The following FASTKD2 variants were observed in gnomAD, a reference collection of about 807,000 sequenced individuals.
FASTKD2 encodes FAST kinase domains 2.
A neutral mutation model predicts 63.6 loss-of-function variants in FASTKD2; 51 were observed. That is an observed-to-expected ratio of 0.80 (90% CI 0.64 to 1.01). The LOEUF (loss-of-function observed/expected upper bound fraction) is 1.01. Among genes scored for constraint, FASTKD2 ranks in the 50% least tolerant of loss-of-function variants. FASTKD2 has a pLI of 0.00. For missense variants in FASTKD2, 786 were observed against 831.1 expected (o/e 0.95, Z 0.67); for synonymous variants, 284 against 293.4 (o/e 0.97, Z 0.33).
intron 7 of FASTKD2, among the ~76,000 whole-genome samples, chr2:206,784,518 A>G (rs1304993514): frequency 6.6e-6 from 1 of 152,206 alleles, no homozygotes; most frequent in Non-Finnish European, 1.5e-5. Context: ...GAACCCAAGG[A>G]ACAAATATGT....
Position 206,791,785 on chromosome 2 carries a change from G to T in FASTKD2, c.2116G>T (p.Val706Leu). 6.2e-7 allele frequency: 1 copy of T among 1,612,994 alleles called. No individual in the cohort carries two copies. Among genetic ancestry groups the T allele is most frequent in the Non-Finnish European group, 8.5e-7 (1 of 1,179,622 alleles). Reference protein sequence around the residue: ...VEALPVAAVNVQSTQ With the variant: ...VEALPVAAVNLQSTQ ...AGCTCTTCCTGTTGCTGCTGTAAATGTGCAAAGCACACAATAAAGTGAAAA... is the reference window on the plus strand; with the variant it reads ...AGCTCTTCCTGTTGCTGCTGTAAATTTGCAAAGCACACAATAAAGTGAAAA... The change falls in exon 12 of 12, where the codon GTG (valine) becomes TTG (leucine). Residue 706 changes from valine (V) to leucine (L), a missense_variant. Transcript: ENST00000402774.
rs759342298 is a variant in FASTKD2, at chr2:206,767,140, A to G, written c.447A>G (p.Thr149=). ...ATGAAGATGTTCTTACCAAGGAAAC[A>G]AAACCAAACCGTATCAGCAGTAGAA... The part of the protein sequence containing the change: ...VSNEDVLTKE[T]KPNRISSRKL... Residue 149 remains threonine (T), a synonymous_variant, in exon 2 of 12, where the codon ACA becomes ACG. Coordinates refer to ENST00000402774, the MANE Select transcript of FASTKD2 (RefSeq NM_001136193.2). The G allele has an allele frequency of 3.7e-6, 6 of 1,614,220 alleles. No individual in the cohort carries two copies. The highest frequency in any genetic ancestry group is 3.4e-6 in the Non-Finnish European group (4 of 1,180,022).
rs756924071 is a variant in FASTKD2 at position 206,767,486 on chromosome 2, G to T, written c.777+16G>T. On this transcript the variant is annotated intron_variant, in intron 2 of 11. Transcript: ENST00000402774. ...GGTGACCCAGGTAAAATAAAAAGGA[G>T]ATTTAAACATGCATTTACTTGATTT... The T allele has an allele frequency of 6.3e-7, 1 of 1,593,514 alleles. No individual in the cohort carries two copies. The highest frequency in any genetic ancestry group is 8.5e-7 in the Non-Finnish European group (1 of 1,169,714).
In FASTKD2 at chr2:206,792,379, G is replaced by A. The variant is rs141191242; in HGVS notation, c.*577G>A. 3 of 155,460 alleles carry A rather than the reference G, an allele frequency of 1.9e-5. No individual in the cohort carries two copies. Among genetic ancestry groups the A allele is most frequent in the East Asian group, 1.9e-4 (1 of 5,288 alleles). The allele number at this position is 155,460 out of a possible 1,614,324, so 9.6% of individuals were successfully genotyped here. ...GGGTTATAATAAGAGAAACACAGAT[G>A]AGATGTAGATGGTAAGGAGTCTTAC... On this transcript the variant is annotated 3_prime_UTR_variant, in exon 12 of 12. Coordinates refer to ENST00000402774, the MANE Select transcript of FASTKD2 (RefSeq NM_001136193.2).
chr2:206,793,060 A>G lies in FASTKD2; in HGVS notation c.*1258A>G, dbSNP rs1005221542. Among the ~76,000 whole-genome samples the G allele has an allele frequency of 5.3e-5, 8 of 151,592 alleles. No homozygotes were observed. The highest frequency in any genetic ancestry group is 9.7e-5 in the African/African-American group (4 of 41,094). ...AACACGGTGAAACCCCATCTCTACT[A>G]AAATACAAAAAATTAGCCGGGCATG... is the stretch of plus-strand genomic sequence containing the variant. On this transcript the variant is annotated 3_prime_UTR_variant, in exon 12 of 12. Transcript: ENST00000402774.
At chr2:206,775,446 G>A (rs118174005) in intron 7 of FASTKD2, among the ~76,000 whole-genome samples, 1 of 151,970 alleles carries the variant, frequency 6.6e-6, no homozygotes, top group East Asian at 1.9e-4. Context: ...GCATCCCAGG[G>A]ATAAATCCTG....
Position 206,772,230 on chromosome 2 carries a change from C to T in FASTKD2, c.1164C>T (p.Ser388=). The change falls in exon 6 of 12, where the codon TCC becomes TCT. Residue 388 remains serine, a synonymous_variant. Transcript: ENST00000402774. ...GAATAATGATCAACATATTGCAGTC[C>T]TGCAAAGACCTCCAGTACCATAATT... ...PLRIMINILQ[S]CKDLQYHNLD... is the part of the protein sequence containing the mutation. 1 of 1,613,262 alleles carries T rather than the reference C, an allele frequency of 6.2e-7. No individual in the cohort carries two copies. The highest frequency in any genetic ancestry group is 8.5e-7 in the Non-Finnish European group (1 of 1,179,222).
Position 206,767,426 on chromosome 2 carries a change from C to T in FASTKD2, c.733C>T (p.Pro245Ser). Reference sequence around the variant, plus strand: ...TCACGCCATAGTGAAGCTTGGAATCCCTCAGAACACTATTTTGGTGCAGAC... The same window carrying T: ...TCACGCCATAGTGAAGCTTGGAATCTCTCAGAACACTATTTTGGTGCAGAC... The part of the protein sequence containing the change: ...SLHAIVKLGI[P>S]QNTILVQTLL... Residue 245 changes from proline (P) to serine (S), a missense_variant, in exon 2 of 12, where the codon CCT becomes TCT. Physicochemically the swap from Pro to Ser is moderately conservative, Grantham distance 74. Coordinates refer to ENST00000402774, the MANE Select transcript of FASTKD2 (RefSeq NM_001136193.2). 1 of 1,612,948 alleles carries T rather than the reference C, an allele frequency of 6.2e-7. No individual in the cohort carries two copies. The highest frequency in any genetic ancestry group is 1.6e-4 in the Middle Eastern group (1 of 6,062).
intron 7 of FASTKD2, among the ~76,000 whole-genome samples, chr2:206,775,408 A>T (rs551867157): frequency 6.6e-6 from 1 of 151,430 alleles, no homozygotes; most frequent in South Asian, 2.1e-4. Flanking sequence ...TATCATATTG[A>T]TTGATTTGCA....
At position 206,792,294 on chromosome 2, in the gene FASTKD2, G is replaced by C. The variant is rs1279255801; in HGVS notation, c.*492G>C. On this transcript the variant is annotated 3_prime_UTR_variant, in exon 12 of 12. Transcript: ENST00000402774. ...TGTAAGAATTAGTGAGGTAGCTGTTGAAAATGAGTGAGGATGGTATTTGTA... is the reference window on the plus strand; with the variant it reads ...TGTAAGAATTAGTGAGGTAGCTGTTCAAAATGAGTGAGGATGGTATTTGTA... 5.8e-6 allele frequency: 1 copy of C among 173,772 alleles called. No homozygotes were observed. The highest frequency in any genetic ancestry group is 1.2e-5 in the Non-Finnish European group (1 of 80,730). 10.8% of individuals were successfully genotyped at this position (173,772 alleles called of 1,614,324 possible). A position where few individuals can be genotyped will look rare whatever the true frequency, so the allele number is the denominator to read the frequency against.
At position 206,766,628 on chromosome 2, in the gene FASTKD2, A is replaced by G; in HGVS notation, c.-50-16A>G. ...TGTTTTAATTTTTATTCTTTTCATT[A>G]CTTCTTCCCCTACAGGAAAACGACA... is the stretch of plus-strand genomic sequence containing the variant. On this transcript the variant is annotated splice_polypyrimidine_tract_variant and intron_variant, in intron 1 of 11. Transcript: ENST00000402774. 1 of 1,306,256 alleles carries G rather than the reference A, an allele frequency of 7.7e-7. No individual in the cohort carries two copies. The highest frequency in any genetic ancestry group is 1.1e-6 in the Non-Finnish European group (1 of 903,150). The allele number at this position is 1,306,256 out of a possible 1,614,324, so 80.9% of individuals were successfully genotyped here. A position where few individuals can be genotyped will look rare whatever the true frequency, so the allele number is the denominator to read the frequency against.
Position 206,795,768 on chromosome 2 carries a change from A to G in FASTKD2, c.*3966A>G, listed in dbSNP as rs1233340136. 6.6e-6 allele frequency among the ~76,000 whole-genome samples: 1 copy of G among 152,196 alleles called. No individual in the cohort carries two copies. Among genetic ancestry groups the G allele is most frequent in the Non-Finnish European group, 1.5e-5 (1 of 68,038 alleles). On this transcript the variant is annotated 3_prime_UTR_variant, in exon 12 of 12. Coordinates refer to ENST00000402774, the MANE Select transcript of FASTKD2 (RefSeq NM_001136193.2). ...CAGCCACAGAGCATTTTATTTTTCT[A>G]GAAGAGCAATAACAGAGACCCCAGG... is the stretch of plus-strand genomic sequence containing the variant.
intron 10 of FASTKD2, chr2:206,789,110 C>G (rs920372052): frequency 1.8e-6 from 1 of 549,348 alleles, no homozygotes; most frequent in Non-Finnish European, 3.2e-6. Context: ...CAGTATTGGT[C>G]ATTTAATGAG....
At chr2:206,790,489 G>A in intron 10 of FASTKD2, 83 bp from the exon 11 acceptor site, 1 of 871,356 alleles carries the variant, frequency 1.1e-6, no homozygotes. Flanking sequence ...AGCTCAACTT[G>A]GAAATCTCCA....
chr2:206,770,237 C>T (rs79466142), intron 3 of FASTKD2, 43 bp downstream of exon 3: 1 of 1,212,446 alleles, frequency 8.2e-7, no homozygotes, highest in Non-Finnish European at 1.2e-6. Flanking sequence ...TTTCTTTGTT[C>T]CTCATATATC....
intron 7 of FASTKD2, among the ~76,000 whole-genome samples, chr2:206,778,099 C>G (rs1689871975): frequency 6.6e-6 from 1 of 151,694 alleles, no homozygotes; most frequent in African/African-American, 2.4e-5. Flanking sequence ...TTTCATAAAC[C>G]CAAGTCTTCG....
At chr2:206,777,595 G>C (rs1333227180) in intron 7 of FASTKD2, among the ~76,000 whole-genome samples, 1 of 152,050 alleles carries the variant, frequency 6.6e-6, no homozygotes, top group East Asian at 1.9e-4. Context: ...TGTTCATCAG[G>C]GATATTGGCC....
At chr2:206,789,085 G>C (rs1027302636) in intron 10 of FASTKD2, 182 bp downstream of exon 10, 1 of 609,494 alleles carries the variant, frequency 1.6e-6, no homozygotes, top group African/African-American at 1.9e-5. Context: ...CGTTATGGTT[G>C]AATACAATGG....
chr2:206,776,907 A>T (rs1689838563), intron 7 of FASTKD2, among the ~76,000 whole-genome samples: 2 of 152,074 alleles, frequency 1.3e-5, no homozygotes, highest in Non-Finnish European at 2.9e-5. Context: ...TTTTAACAGG[A>T]TTAAGTCTTT....
Sources: gnomAD v4.1 joint callset for allele counts (sites outside exome capture counted in the v4.1 genomes callset) on GRCh38, gnomAD v4.1.1 for gene constraint, MANE v1.5 for transcripts, NCBI Gene and HGNC (gene_info 2026-07-23, HGNC 2026-07-21) for gene names.